MSI2: variants seen among roughly 807,000 people sequenced by gnomAD.
MSI2 encodes the protein musashi RNA binding protein 2.
MSI2 carries 17 observed loss-of-function variants against 45.6 expected under a neutral mutation model. The observed-to-expected ratio is 0.37, with a 90% CI of 0.26 to 0.56. The LOEUF (loss-of-function observed/expected upper bound fraction) is 0.56, where lower values mean the gene tolerates loss of function less well. MSI2 is among the 20% of genes least tolerant of loss of function. The pLI is 0.77. For missense variants in MSI2, 293 were observed against 444.2 expected (o/e 0.66, Z 3.06); for synonymous variants, 156 against 158.2 (o/e 0.99, Z 0.11).
intron 7 of MSI2, among the ~76,000 whole-genome samples, chr17:57,574,300 C>T (rs980740687): frequency 1.3e-5 from 2 of 152,338 alleles, no homozygotes; most frequent in Non-Finnish European, 2.9e-5. Context: ...GGTTATGTTC[C>T]TTTACAAGCC....
intron 5 of MSI2, among the ~76,000 whole-genome samples, chr17:57,356,602 G>GTT (rs1182754212): frequency 6.6e-6 from 1 of 152,180 alleles, no homozygotes; most frequent in Admixed American, 6.5e-5. Context: ...TAGGCCTGTG[G>GTT]TTTAGCAGAG....
chr17:57,559,019 A>G (rs2087509472), intron 7 of MSI2, among the ~76,000 whole-genome samples: 1 of 152,112 alleles, frequency 6.6e-6, no homozygotes, highest in South Asian at 2.1e-4. Context: ...CCGAGATGGC[A>G]CCACTGCACT....
chr17:57,370,641 G>C (rs1230677673), intron 5 of MSI2, among the ~76,000 whole-genome samples: 1 of 152,220 alleles, frequency 6.6e-6, no homozygotes, highest in South Asian at 2.1e-4. Flanking sequence ...TGCTACGCCT[G>C]CTTTGATGGC....
At position 57,596,940 on chromosome 17, in the gene MSI2, A is replaced by C. The variant is rs761315422; in HGVS notation, c.527A>C (p.Asn176Thr). Residue 176 changes from asparagine to threonine, a missense_variant, in exon 8 of 14, where the codon AAT becomes ACT. Physicochemically the swap from Asn to Thr is moderately conservative, Grantham distance 65. Transcript: ENST00000284073. The surrounding 1 kb of genome is among the most constrained non-coding windows in gnomAD (Gnocchi z 4.6). ...TGTGAGATTCATTTCCATGAAATCA[A>C]TAATAAAATGGTAAGTGTGTAGGGG... The part of the protein sequence containing the change: ...KVCEIHFHEI[N>T]NKMVECKKAQ... The C allele has an allele frequency of 6.2e-7, 1 of 1,610,904 alleles. No individual in the cohort carries two copies. Among genetic ancestry groups the C allele is most frequent in the Non-Finnish European group, 8.5e-7 (1 of 1,177,044 alleles).
rs1466115173 is a variant in MSI2 at position 57,682,446 on chromosome 17, AAG to A, written c.*2933_*2934del. ...CATGGTATATTAAAATGATTTTACT[AAG>A]AGAAAAAATATTTTTTTAAGAATGC... On this transcript the variant is annotated 3_prime_UTR_variant, in exon 14 of 14. Transcript: ENST00000284073. 1 of 191,170 alleles carries A rather than the reference AAG, an allele frequency of 5.2e-6. No homozygotes were observed. Among genetic ancestry groups the A allele is most frequent in the Non-Finnish European group, 1.1e-5 (1 of 91,774 alleles). 11.8% of individuals were successfully genotyped at this position (191,170 alleles called of 1,614,324 possible).
intron 10 of MSI2, chr17:57,629,254 C>A (rs1163823692): frequency 6.6e-6 from 1 of 152,156 alleles, no homozygotes; most frequent in Non-Finnish European, 1.5e-5. Flanking sequence ...CATGGTGAAA[C>A]CCCGTCTCTA....
At chr17:57,608,407 A>G (rs746811377) in intron 8 of MSI2, 1 of 152,328 alleles carries the variant, frequency 6.6e-6, no homozygotes, top group Non-Finnish European at 1.5e-5. Flanking sequence ...GCCCATCTCA[A>G]GTGGGAGCTG....
chr17:57,527,275 A>G (rs1409346637), intron 6 of MSI2, among the ~76,000 whole-genome samples: 1 of 129,844 alleles, frequency 7.7e-6, no homozygotes. Context: ...CCACCCACCC[A>G]CCCACACCCC....
intron 6 of MSI2, among the ~76,000 whole-genome samples, chr17:57,486,542 A>G (rs2085757851): frequency 6.6e-6 from 1 of 152,200 alleles, no homozygotes; most frequent in South Asian, 2.1e-4. Flanking sequence ...TTTTATGCAA[A>G]TAATATATGG....
intron 5 of MSI2, among the ~76,000 whole-genome samples, chr17:57,340,777 G>A (rs1915073420): frequency 6.6e-6 from 1 of 152,084 alleles, no homozygotes; most frequent in African/African-American, 2.4e-5. Context: ...GGGCCATGGG[G>A]ACCACGCAGG....
At chr17:57,496,394 T>C (rs2085980028) in intron 6 of MSI2, among the ~76,000 whole-genome samples, 1 of 152,220 alleles carries the variant, frequency 6.6e-6, no homozygotes, top group African/African-American at 2.4e-5. Context: ...CTTAGGTCCT[T>C]TGCCCTCTTG....
chr17:57,385,988 A>G (rs1205364863), intron 5 of MSI2, among the ~76,000 whole-genome samples: 3 of 152,210 alleles, frequency 2.0e-5, no homozygotes, highest in Non-Finnish European at 1.5e-5. Flanking sequence ...GTCGATTGGA[A>G]TGAATCAGGA....
intron 7 of MSI2, among the ~76,000 whole-genome samples, chr17:57,584,231 C>T (rs1320362626): frequency 6.6e-6 from 1 of 152,224 alleles, no homozygotes; most frequent in South Asian, 2.1e-4. Context: ...AATCCAGCTG[C>T]CTGGGCTGCT....
intron 6 of MSI2, among the ~76,000 whole-genome samples, chr17:57,520,426 T>A (rs1479269708): frequency 6.6e-6 from 1 of 152,158 alleles, no homozygotes; most frequent in East Asian, 1.9e-4. Context: ...GAAAATAGAA[T>A]GATCCCACAA....
chr17:57,644,221 T>TG (rs940680195), intron 10 of MSI2, among the ~76,000 whole-genome samples: 17 of 151,694 alleles, frequency 1.1e-4, no homozygotes, highest in African/African-American at 4.1e-4. Flanking sequence ...GTTGTTTTTT[T>TG]TTTTTTTTTT....
chr17:57,645,220 C>T (rs957423848), intron 10 of MSI2, among the ~76,000 whole-genome samples: 24 of 152,188 alleles, frequency 1.6e-4, no homozygotes, highest in Middle Eastern at 3.2e-3. Context: ...GGTTAAAGCT[C>T]CTCCAGGCTG....
chr17:57,586,996 G>A (rs779567374), intron 7 of MSI2, among the ~76,000 whole-genome samples: 5 of 152,150 alleles, frequency 3.3e-5, no homozygotes, highest in South Asian at 2.1e-4. Context: ...TCAGGCTTGC[G>A]TCAGCATCAG....
chr17:57,615,785 G>C (rs1437559863), intron 8 of MSI2, among the ~76,000 whole-genome samples, 185 bp from the exon 9 acceptor site: 2 of 152,164 alleles, frequency 1.3e-5, no homozygotes, highest in African/African-American at 2.4e-5. Context: ...TTCCGAAGCA[G>C]GATTTGCACA....
At chr17:57,624,899 C>T (rs1908657094) in intron 9 of MSI2, among the ~76,000 whole-genome samples, 1 of 152,308 alleles carries the variant, frequency 6.6e-6, no homozygotes, top group East Asian at 1.9e-4. Context: ...CACAGATTAC[C>T]ATAGACGAGG....
Sources: allele counts gnomAD v4.1 joint callset (sites outside exome capture counted in the v4.1 genomes callset), GRCh38; gene constraint gnomAD v4.1.1; non-coding constraint Gnocchi (gnomAD v3.1); transcripts MANE v1.5; gene names NCBI Gene and HGNC (gene_info 2026-07-23, HGNC 2026-07-21).